Variants in ANKRD27 observed in about 807,000 individuals in gnomAD.
ANKRD27 encodes the protein ankyrin repeat domain-containing protein 27.
ANKRD27 carries 112 observed loss-of-function variants against 129.7 expected under a neutral mutation model. The ratio of observed to expected loss-of-function variants is 0.86; its 90% confidence interval spans 0.74 to 1.01. The LOEUF is 1.01. Ranked by LOEUF, ANKRD27 falls within the 50% of genes least tolerant of loss-of-function variation. The probability of loss-of-function intolerance (pLI) is 0.00; values close to 1 mark genes in which losing one functional copy is unlikely to be tolerated. For synonymous variants in ANKRD27, 516 were observed against 511.2 expected, an observed-to-expected ratio of 1.01 and a Z score of -0.13; for missense variants, 1,258 against 1,300.5, an observed-to-expected ratio of 0.97 and a Z score of 0.50.
intron 24 of ANKRD27, among the ~76,000 whole-genome samples, chr19:32,604,896 A>AC (rs1568395450): frequency 1.0e-5 from 1 of 99,506 alleles, no homozygotes; most frequent in Non-Finnish European, 1.9e-5. Flanking sequence ...CATCTCTACT[A>AC]AAAAAAAACA....
At chr19:32,603,760 A>G (rs1368736633) in intron 25 of ANKRD27, among the ~76,000 whole-genome samples, 1 of 152,144 alleles carries the variant, frequency 6.6e-6, no homozygotes, top group African/African-American at 2.4e-5. Context: ...GCTGGTCATG[A>G]GCTCCTGCGC....
rs375944398 is a variant in ANKRD27, at chr19:32,640,254, T to C, written c.983+53A>G. ...CTGGGATTACAGGCGTGAGCCACCG[T>C]GCCCGGCCAAGCACTGCCATTTTCA... On this transcript the variant is annotated intron_variant, in intron 11 of 28. Transcript: ENST00000306065. The C allele has an allele frequency of 2.0e-4, 291 of 1,489,876 alleles. 1 individual carries two copies. Among genetic ancestry groups the C allele is most frequent in the African/African-American group, 1.1e-3 (79 of 71,926 alleles). 92.3% of individuals were successfully genotyped at this position (1,489,876 alleles called of 1,614,324 possible). A position where few individuals can be genotyped will look rare whatever the true frequency, so the allele number is the denominator to read the frequency against.
chr19:32,612,294 T>A (rs1046132804), intron 22 of ANKRD27, among the ~76,000 whole-genome samples: 4 of 152,318 alleles, frequency 2.6e-5, no homozygotes, highest in Middle Eastern at 6.8e-3. Context: ...CATATGATGT[T>A]ATTTCTCCCC....
chr19:32,648,552 G>A (rs547312940), intron 3 of ANKRD27, among the ~76,000 whole-genome samples: 96 of 152,346 alleles, frequency 6.3e-4, no homozygotes, highest in African/African-American at 2.1e-3. Flanking sequence ...TGTAATCCCA[G>A]CACTTTGGGA....
At chr19:32,600,548 A>G (rs961348841) in intron 26 of ANKRD27, among the ~76,000 whole-genome samples, 1 of 152,172 alleles carries the variant, frequency 6.6e-6, no homozygotes, top group Non-Finnish European at 1.5e-5. Context: ...CTCAAAAAAA[A>G]GCTACAAAAT....
intron 20 of ANKRD27, 148 bp from the exon 21 acceptor site, chr19:32,617,781 T>C (rs902969263): frequency 2.9e-5 from 13 of 455,048 alleles, no homozygotes; most frequent in African/African-American, 2.1e-4. Context: ...TGAGATGGAG[T>C]TTCGCTCTTA....
At chr19:32,661,945 T>G (rs1417901645) in intron 1 of ANKRD27, among the ~76,000 whole-genome samples, 1 of 152,200 alleles carries the variant, frequency 6.6e-6, no homozygotes, top group East Asian at 1.9e-4. Context: ...TTTTTGAGCC[T>G]TAAGAAATCT....
chr19:32,632,258 T>C (rs943846334), intron 12 of ANKRD27, among the ~76,000 whole-genome samples: 14 of 150,892 alleles, frequency 9.3e-5, no homozygotes, highest in Non-Finnish European at 2.1e-4. Flanking sequence ...CACTGCACTC[T>C]AGCCTGGGTG....
Position 32,599,967 on chromosome 19 carries a change from C to T in ANKRD27, c.2846+5G>A. Reference sequence around the variant, plus strand: ...CACAGAAATCAACTTGAGTTTCATACTCACTTAAACTGACCAGCTGAGTGG... The same window carrying T: ...CACAGAAATCAACTTGAGTTTCATATTCACTTAAACTGACCAGCTGAGTGG... On this transcript the variant is annotated splice_donor_5th_base_variant and intron_variant, in intron 27 of 28. Coordinates refer to ENST00000306065, the MANE Select transcript of ANKRD27 (RefSeq NM_032139.3). 6.2e-7 allele frequency: 1 copy of T among 1,608,228 alleles called. No individual in the cohort carries two copies. The highest frequency in any genetic ancestry group is 8.5e-7 in the Non-Finnish European group (1 of 1,175,856).
At chr19:32,660,315 G>T (rs1423492311) in intron 1 of ANKRD27, among the ~76,000 whole-genome samples, 1 of 152,152 alleles carries the variant, frequency 6.6e-6, no homozygotes, top group Non-Finnish European at 1.5e-5. Flanking sequence ...GGCCAAGTCG[G>T]GAGGATCACC....
intron 24 of ANKRD27, 69 bp from the exon 25 acceptor site, chr19:32,604,493 T>C: frequency 6.9e-7 from 1 of 1,456,946 alleles, no homozygotes; most frequent in Non-Finnish European, 9.2e-7. Flanking sequence ...GCTGTGGGTA[T>C]ACAGGTATTC....
intron 7 of ANKRD27, 32 bp from the exon 8 acceptor site, chr19:32,643,384 G>C: frequency 6.2e-7 from 1 of 1,613,878 alleles, no homozygotes; most frequent in South Asian, 1.1e-5. Context: ...TTCAGGGTGT[G>C]AGCGGGCAAC....
rs1239893072 is a variant in ANKRD27 at position 32,604,249 on chromosome 19, C to A, written c.2655+14G>T. 1.9e-6 allele frequency: 3 copies of A among 1,587,576 alleles called. No homozygotes were observed. The highest frequency in any genetic ancestry group is 2.6e-6 in the Non-Finnish European group (3 of 1,160,286). The stretch of plus-strand genomic sequence containing the variant: ...GCTCAGGATTCCCTCGGCTCTTCGA[C>A]CCTCTCCACCTACCTGTTCAGCACA... On this transcript the variant is annotated intron_variant, in intron 25 of 28. Transcript: ENST00000306065.
intron 17 of ANKRD27, among the ~76,000 whole-genome samples, chr19:32,624,569 G>A (rs376594229): frequency 6.6e-6 from 1 of 152,174 alleles, no homozygotes; most frequent in African/African-American, 2.4e-5. Context: ...GAAGCCAGAA[G>A]GAGGGCGGGT....
At chr19:32,658,617 G>A (rs77511911) in intron 2 of ANKRD27, among the ~76,000 whole-genome samples, 2,552 of 152,272 alleles carry the variant, frequency 0.017, 30 homozygotes, top group Non-Finnish European at 0.027. Flanking sequence ...AGAGAGAAAC[G>A]AGAGCACCGC....
intron 1 of ANKRD27, among the ~76,000 whole-genome samples, chr19:32,659,696 C>T (rs1056079703): frequency 5.3e-5 from 8 of 152,044 alleles, no homozygotes; most frequent in African/African-American, 1.9e-4. Flanking sequence ...AAACCTAGCA[C>T]CAGAATTAAG....
chr19:32,673,348 G>A, intron 1 of ANKRD27: 2 of 986,256 alleles, frequency 2.0e-6, no homozygotes, highest in Non-Finnish European at 2.4e-6. Context: ...AGGCCTACGG[G>A]CTGTGCCTCC....
intron 2 of ANKRD27, among the ~76,000 whole-genome samples, chr19:32,658,182 A>C (rs1355262568): frequency 1.3e-5 from 2 of 152,110 alleles, no homozygotes; most frequent in African/African-American, 4.8e-5. Flanking sequence ...GACAAAAAGA[A>C]GACGGAAGAC....
At position 32,662,040 on chromosome 19, in the gene ANKRD27, C is replaced by T. The variant is rs143456730; in HGVS notation, c.-30-2995G>A. On this transcript the variant is annotated intron_variant, in intron 1 of 28. Transcript: ENST00000306065. ...ATCAGAAGATAGAGTAGGCCAGGCA[C>T]GGTGGCTCACGCCTATAATCCCAGC... Among the ~76,000 whole-genome samples the T allele has an allele frequency of 1.1e-3, 165 of 152,184 alleles. 1 individual carries two copies. The East Asian group carries it at 0.018, about 16-fold the overall frequency.
Sources: allele counts gnomAD v4.1 joint callset (sites outside exome capture counted in the v4.1 genomes callset), GRCh38; gene constraint gnomAD v4.1.1; transcripts MANE v1.5; gene names NCBI Gene and HGNC (gene_info 2026-07-23, HGNC 2026-07-21).